BAHCC1: variants seen among roughly 807,000 people sequenced by gnomAD.
BAHCC1 encodes the protein BAH and coiled-coil domain-containing protein 1.
Under a neutral mutation model 88.2 loss-of-function variants are expected in BAHCC1, and 43 were observed. The observed-to-expected ratio is 0.49, with a 90% CI of 0.38 to 0.63. The LOEUF is 0.63. Among genes scored for constraint, BAHCC1 ranks in the 20% least tolerant of loss-of-function variants. The probability of loss-of-function intolerance (pLI) is 0.00; values close to 1 mark genes in which losing one functional copy is unlikely to be tolerated. For missense variants in BAHCC1, 3,023 were observed against 1,654.8 expected (o/e 1.83, Z -14.34); for synonymous variants, 1,510 against 745.5 (o/e 2.03, Z -16.71).
At chr17:81,436,180 C>A (rs1213111119) in intron 3 of BAHCC1, among the ~76,000 whole-genome samples, 1 of 152,146 alleles carries the variant, frequency 6.6e-6, no homozygotes, top group Non-Finnish European at 1.5e-5. Flanking sequence ...AGGTGGGGAC[C>A]CAAGCAGGCA....
At chr17:81,437,517 C>T (rs1339620529) in intron 3 of BAHCC1, among the ~76,000 whole-genome samples, 8 of 152,260 alleles carry the variant, frequency 5.3e-5, no homozygotes, top group African/African-American at 1.9e-4. Context: ...CATGCTCAGC[C>T]CTGTCCTGAC....
intron 2 of BAHCC1, among the ~76,000 whole-genome samples, chr17:81,421,688 G>A (rs1261296329): frequency 6.6e-6 from 1 of 152,212 alleles, no homozygotes; most frequent in East Asian, 1.9e-4. Context: ...CGGGGCAAGG[G>A]GGATGCCGGG....
intron 14 of BAHCC1, 39 bp downstream of exon 14, chr17:81,452,890 C>T (rs1240385750): frequency 8.7e-6 from 6 of 687,300 alleles, no homozygotes; most frequent in African/African-American, 3.7e-5. Context: ...CGCGTGTGGC[C>T]GGCCCTGGGC....
Position 81,456,330 on chromosome 17 carries a change from G to A in BAHCC1, c.4603G>A (p.Gly1535Ser), listed in dbSNP as rs1555657251. The change falls in exon 16 of 28, where the codon GGC (glycine) becomes AGC (serine). Residue 1535 changes from glycine to serine, a missense_variant. Gly to Ser is a moderately conservative substitution (Grantham distance 56). Transcript: ENST00000675386. ...GCAGTGTAAGAAGAGCAGCTGTCAG[G>A]GCGGGCTGGCGCCCTCCGTGGCCCA... Reference protein sequence around the residue: ...KAQCKKSSCQGGLAPSVAHRV... With the variant: ...KAQCKKSSCQSGLAPSVAHRV... 6.9e-6 allele frequency: 5 copies of A among 721,976 alleles called. No individual in the cohort carries two copies. Among genetic ancestry groups the A allele is most frequent in the Admixed American group, 2.0e-5 (1 of 50,644 alleles). 44.7% of individuals were successfully genotyped at this position (721,976 alleles called of 1,614,324 possible).
chr17:81,419,568 G>A (rs2064088136), intron 2 of BAHCC1, among the ~76,000 whole-genome samples: 1 of 152,172 alleles, frequency 6.6e-6, no homozygotes, highest in Admixed American at 6.5e-5. Context: ...GTGGGGAGCG[G>A]GGAAGGTGTG....
In BAHCC1 at chr17:81,399,857, C is replaced by G. The variant is rs1386795840; in HGVS notation, c.118C>G (p.Pro40Ala). The change falls in exon 2 of 28, where the codon CCC becomes GCC. Residue 40 changes from proline (P) to alanine (A), a missense_variant. By Grantham distance (27) the Pro-to-Ala change is conservative. Transcript: ENST00000675386. The surrounding 1 kb of genome is among the most constrained non-coding windows in gnomAD (Gnocchi z 4.5). Reference protein sequence around the residue: ...LAPAGPAAQPPAHFQPGKYFP... With the variant: ...LAPAGPAAQPAAHFQPGKYFP... ...CCCGGCTGGGCCCGCCGCGCAGCCC[C>G]CCGCACACTTCCAGCCGGGAAAGTA... 1.4e-6 allele frequency: 2 copies of G among 1,444,296 alleles called. No homozygotes were observed. Among genetic ancestry groups the G allele is most frequent in the Non-Finnish European group, 1.8e-6 (2 of 1,097,336 alleles). The allele number at this position is 1,444,296 out of a possible 1,614,324, so 89.5% of individuals were successfully genotyped here.
Position 81,451,964 on chromosome 17 carries a change from C to CG in BAHCC1, c.4180-7_4180-6insG. On this transcript the variant is annotated splice_polypyrimidine_tract_variant and splice_region_variant and intron_variant, in intron 12 of 27. Coordinates refer to ENST00000675386, the MANE Select transcript of BAHCC1 (RefSeq NM_001377448.1). ...CGGCTCACAGGCCCCTGTGCCCCCC[C>CG]CACCAGGTGTGCCCCCTGAAGGCCG... is the stretch of plus-strand genomic sequence containing the variant. The CG allele has an allele frequency of 1.6e-6, 1 of 622,590 alleles. No homozygotes were observed. Among genetic ancestry groups the CG allele is most frequent in the Non-Finnish European group, 2.9e-6 (1 of 347,132 alleles). 38.6% of individuals were successfully genotyped at this position (622,590 alleles called of 1,614,324 possible). A position where few individuals can be genotyped will look rare whatever the true frequency, so the allele number is the denominator to read the frequency against.
chr17:81,428,409 A>G (rs2064224614), intron 3 of BAHCC1, among the ~76,000 whole-genome samples: 1 of 152,124 alleles, frequency 6.6e-6, no homozygotes, highest in Non-Finnish European at 1.5e-5. Flanking sequence ...TGAACCCCCC[A>G]CAACAGACGC....
intron 2 of BAHCC1, among the ~76,000 whole-genome samples, chr17:81,426,217 TTGG>T (rs2064196037): frequency 7.6e-6 from 1 of 131,284 alleles, no homozygotes; most frequent in Non-Finnish European, 1.6e-5. Flanking sequence ...GATGATGTGG[TTGG>T]TGGTGATAGT....
chr17:81,459,672 A>C (rs2030070455), intron 23 of BAHCC1, 68 bp downstream of exon 23: 1 of 769,788 alleles, frequency 1.3e-6, no homozygotes, highest in Non-Finnish European at 2.4e-6. Flanking sequence ...ATCTGCCCCC[A>C]ACAGCCTGGC....
chr17:81,444,866 C>G (rs2064493740), intron 8 of BAHCC1, 40 bp downstream of exon 8: 1 of 747,362 alleles, frequency 1.3e-6, no homozygotes, highest in Non-Finnish European at 2.5e-6. Flanking sequence ...TTGGGGGGTG[C>G]TGTTGGAAGG....
chr17:81,432,577 A>ACCCTCCCTCCCATCGCCGGGCCCC (rs2064275100), intron 3 of BAHCC1, among the ~76,000 whole-genome samples: 3 of 70,842 alleles, frequency 4.2e-5, no homozygotes, highest in Admixed American at 1.9e-4. Flanking sequence ...CGCCGGGCCC[A>ACCCTCCCTCCCATCGCCGGGCCCC]CCCTCCCCTC....
At chr17:81,406,288 C>T (rs1555646870) in intron 2 of BAHCC1, among the ~76,000 whole-genome samples, 2 of 152,176 alleles carry the variant, frequency 1.3e-5, no homozygotes, top group African/African-American at 2.4e-5. Flanking sequence ...ACCTCGCAGA[C>T]GTGCTGTGAA....
Position 81,435,708 on chromosome 17 carries a change from T to A in BAHCC1, c.359-2662T>A, listed in dbSNP as rs2143469582. Among the ~76,000 whole-genome samples the A allele has an allele frequency of 6.6e-6, 1 of 151,596 alleles. No homozygotes were observed. The highest frequency in any genetic ancestry group is 2.4e-5 in the African/African-American group (1 of 41,272). Reference sequence around the variant, plus strand: ...TCCCTGCCATCTGGGGCCTCTACTGTCCCCCTGGAGCCCTCCCCAGGACCA... The same window carrying A: ...TCCCTGCCATCTGGGGCCTCTACTGACCCCCTGGAGCCCTCCCCAGGACCA... On this transcript the variant is annotated intron_variant, in intron 3 of 27. Transcript: ENST00000675386. The surrounding 1 kb of genome is among the most constrained non-coding windows in gnomAD (Gnocchi z 4.4).
rs782323820 is a variant in BAHCC1, at chr17:81,442,054, CAAGGAGCGGCCAGCGGCAGAGGAG to C, written c.706_729del (p.Lys236_Glu243del). 1.4e-6 allele frequency: 1 copy of C among 716,222 alleles called. No individual in the cohort carries two copies. Among genetic ancestry groups the C allele is most frequent in the Non-Finnish European group, 2.6e-6 (1 of 383,732 alleles). 44.4% of individuals were successfully genotyped at this position (716,222 alleles called of 1,614,324 possible). Reference sequence around the variant, plus strand: ...AGAAGGCGGGCAAGGCCGCTGAGGGCAAGGAGCGGCCAGCGGCAGAGGAGGACGGTGGCAAGGAGCGGCACAAGC... The same window carrying C: ...AGAAGGCGGGCAAGGCCGCTGAGGGCGACGGTGGCAAGGAGCGGCACAAGC... On this transcript the variant is annotated inframe_deletion, in exon 5 of 28. Coordinates refer to ENST00000675386, the MANE Select transcript of BAHCC1 (RefSeq NM_001377448.1).
At position 81,442,403 on chromosome 17, in the gene BAHCC1, G is replaced by A. The variant is rs377687447; in HGVS notation, c.1054G>A (p.Gly352Arg). 772 of 698,478 alleles carry A rather than the reference G, an allele frequency of 1.1e-3. 5 individuals are homozygous for A. In the African/African-American group the frequency reaches 0.012, roughly 11 times the overall value. 43.3% of individuals were successfully genotyped at this position (698,478 alleles called of 1,614,324 possible). The change falls in exon 5 of 28, where the codon GGG (glycine) becomes AGG (arginine). Residue 352 changes from glycine (G) to arginine (R), a missense_variant. Transcript: ENST00000675386. ...GCTACACCACACCGCATCCTACGCC[G>A]GGCCACCCCCGCCCCTCAGCACAGC... is the stretch of plus-strand genomic sequence containing the variant. ...QMLHHTASYAGPPPPLSTAAG... is the reference protein window; with the variant it reads ...QMLHHTASYARPPPPLSTAAG...
At chr17:81,415,060 C>T (rs1437702917) in intron 2 of BAHCC1, among the ~76,000 whole-genome samples, 1 of 145,670 alleles carries the variant, frequency 6.9e-6, no homozygotes, top group East Asian at 1.9e-4. Flanking sequence ...GAGCTCTGCC[C>T]TTCCCGCCCC....
At chr17:81,441,386 G>A (rs782734358) in intron 4 of BAHCC1, among the ~76,000 whole-genome samples, 14 of 152,170 alleles carry the variant, frequency 9.2e-5, no homozygotes, top group Admixed American at 2.0e-4. Flanking sequence ...AAACCAGCCC[G>A]GCGCTGTGGC....
intron 14 of BAHCC1, among the ~76,000 whole-genome samples, chr17:81,453,410 C>T (rs1026524098): frequency 2.6e-5 from 4 of 152,258 alleles, no homozygotes; most frequent in African/African-American, 7.2e-5. Flanking sequence ...CGTGCGTGTG[C>T]GCACTGCATC....
Sources: allele counts gnomAD v4.1 joint callset (sites outside exome capture counted in the v4.1 genomes callset), GRCh38; gene constraint gnomAD v4.1.1; non-coding constraint Gnocchi (gnomAD v3.1); transcripts MANE v1.5; gene names NCBI Gene and HGNC (gene_info 2026-07-23, HGNC 2026-07-21).